Variants in CLASP1 observed in about 807,000 individuals in gnomAD.
CLASP1 encodes CLIP-associating protein 1.
A neutral mutation model predicts 192.3 loss-of-function variants in CLASP1; 38 were observed. That is an observed-to-expected ratio of 0.20 (90% CI 0.15 to 0.26). CLASP1 has a LOEUF of 0.26. Ranked by LOEUF, CLASP1 falls within the 10% of genes least tolerant of loss-of-function variation. The pLI, the probability that CLASP1 is intolerant of heterozygous loss-of-function variation, is 1.00. For synonymous variants in CLASP1, 691 were observed against 712.8 expected, an observed-to-expected ratio of 0.97 and a Z score of 0.49; for missense variants, 1,433 against 1,932.5, an observed-to-expected ratio of 0.74 and a Z score of 4.85.
At chr2:121,599,962 T>G (rs932306339) in intron 2 of CLASP1, among the ~76,000 whole-genome samples, 2 of 151,966 alleles carry the variant, frequency 1.3e-5, no homozygotes, top group African/African-American at 4.8e-5. Flanking sequence ...CTTCAAAGTT[T>G]TGTTTAATAT....
chr2:121,442,379 C>G (rs992928102), intron 19 of CLASP1, among the ~76,000 whole-genome samples: 2 of 151,990 alleles, frequency 1.3e-5, no homozygotes. Context: ...GTTAGGATTC[C>G]TTGATGTGGA....
At chr2:121,409,014 GGA>G in intron 24 of CLASP1, 1 of 1,559,966 alleles carries the variant, frequency 6.4e-7, no homozygotes, top group Non-Finnish European at 8.7e-7. Flanking sequence ...AAAAGTTAAA[GGA>G]CTGGTACCTT....
chr2:121,478,876 CCACACACACACCA>C lies in CLASP1; in HGVS notation c.713-8929_713-8917del, dbSNP rs1559368741. On this transcript the variant is annotated intron_variant, in intron 8 of 39. Transcript: ENST00000263710. ...CACACCACACCACACACACACCACA[CCACACACACACCA>C]CACACACACACCACACCACACACAC... Among the ~76,000 whole-genome samples, 59 of 62,444 alleles carry C rather than the reference CCACACACACACCA, an allele frequency of 9.4e-4. 1 individual carries two copies. The highest frequency in any genetic ancestry group is 0.015 in the Middle Eastern group (1 of 68). 41.0% of individuals were successfully genotyped at this position (62,444 alleles called of 152,430 possible). A position where few individuals can be genotyped will look rare whatever the true frequency, so the allele number is the denominator to read the frequency against.
intron 2 of CLASP1, among the ~76,000 whole-genome samples, chr2:121,566,033 A>G (rs1158991434): frequency 6.6e-6 from 1 of 152,180 alleles, no homozygotes; most frequent in East Asian, 1.9e-4. Context: ...GGGCTCTGAG[A>G]CTGACAGCTG....
At chr2:121,509,040 T>C (rs1380741542) in intron 7 of CLASP1, among the ~76,000 whole-genome samples, 2 of 152,192 alleles carry the variant, frequency 1.3e-5, no homozygotes, top group East Asian at 3.8e-4. Flanking sequence ...CAGTATTAAC[T>C]GGAAACTTCA....
At chr2:121,478,869 CACCACACCACACA>C (rs1350995861) in intron 8 of CLASP1, among the ~76,000 whole-genome samples, 4 of 74,746 alleles carry the variant, frequency 5.4e-5, no homozygotes, top group African/African-American at 2.1e-4. Context: ...ACCACACACA[CACCACACCACACA>C]CACACCACAC....
At chr2:121,589,879 G>A (rs927203787) in intron 2 of CLASP1, among the ~76,000 whole-genome samples, 2 of 151,316 alleles carry the variant, frequency 1.3e-5, no homozygotes, top group African/African-American at 2.4e-5. Context: ...ACAACAAATA[G>A]ACCCAAATAG....
chr2:121,641,594 C>T (rs913814574), intron 1 of CLASP1, among the ~76,000 whole-genome samples: 1 of 152,328 alleles, frequency 6.6e-6, no homozygotes, highest in African/African-American at 2.4e-5. Flanking sequence ...TAACAGAGAC[C>T]ACCTGCATGT....
intron 18 of CLASP1, 68 bp downstream of exon 18, chr2:121,448,208 C>G: frequency 7.1e-7 from 1 of 1,400,600 alleles, no homozygotes; most frequent in Non-Finnish European, 1.0e-6. Flanking sequence ...GCCTGGGCAG[C>G]CTCTTGCAGC....
chr2:121,583,809 T>G (rs1478972004), intron 2 of CLASP1, among the ~76,000 whole-genome samples: 1 of 152,132 alleles, frequency 6.6e-6, no homozygotes, highest in African/African-American at 2.4e-5. Flanking sequence ...AGTTGAGGCT[T>G]TGGGGAGGTG....
chr2:121,634,457 C>T (rs913179370), intron 1 of CLASP1, among the ~76,000 whole-genome samples: 6 of 152,168 alleles, frequency 3.9e-5, no homozygotes, highest in Non-Finnish European at 8.8e-5. Context: ...CTCCCTACCC[C>T]ACCCCAAAAG....
At chr2:121,479,011 A>C (rs2150061804) in intron 8 of CLASP1, among the ~76,000 whole-genome samples, 1 of 51,082 alleles carries the variant, frequency 2.0e-5, no homozygotes, top group Non-Finnish European at 3.6e-5. Flanking sequence ...CACCACACAC[A>C]CACACCACAC....
At chr2:121,606,983 G>A (rs1466419027) in intron 1 of CLASP1, among the ~76,000 whole-genome samples, 1 of 152,110 alleles carries the variant, frequency 6.6e-6, no homozygotes, top group South Asian at 2.1e-4. Context: ...TTAAACTCAG[G>A]AGGCAGAGCT....
rs1461170846 is a variant in CLASP1, at chr2:121,425,136, T to C, written c.2212+3A>G. Reference sequence around the variant, plus strand: ...GTATTCCAAGATCTTTGAGAATCCTTACCTAATCCTATTCGGTTTGGACTT... The same window carrying C: ...GTATTCCAAGATCTTTGAGAATCCTCACCTAATCCTATTCGGTTTGGACTT... On this transcript the variant is annotated splice_donor_region_variant and intron_variant, in intron 22 of 39. Transcript: ENST00000263710. 2.5e-6 allele frequency: 4 copies of C among 1,604,166 alleles called. No homozygotes were observed. Among genetic ancestry groups the C allele is most frequent in the Non-Finnish European group, 8.5e-7 (1 of 1,176,804 alleles).
chr2:121,594,080 C>T (rs372233324), intron 2 of CLASP1, among the ~76,000 whole-genome samples: 2 of 152,114 alleles, frequency 1.3e-5, no homozygotes, highest in Non-Finnish European at 2.9e-5. Context: ...GGGTGGAGAT[C>T]GTGAGGTCAG....
chr2:121,429,223 ACT>A (rs1485947843), intron 20 of CLASP1, among the ~76,000 whole-genome samples: 1 of 151,978 alleles, frequency 6.6e-6, no homozygotes, highest in African/African-American at 2.4e-5. Context: ...CAGACTGATC[ACT>A]CTCTACAACA....
exon 17 of CLASP1, chr2:121,449,055 G>T: frequency 6.2e-7 from 1 of 1,613,940 alleles, no homozygotes; most frequent in Non-Finnish European, 8.5e-7. Context: ...CTGGTAGGAG[G>T]ACTCCAAGGT....
chr2:121,466,872 G>C (rs1188555823), intron 9 of CLASP1, among the ~76,000 whole-genome samples: 1 of 152,148 alleles, frequency 6.6e-6, no homozygotes, highest in Non-Finnish European at 1.5e-5. Context: ...TGGTTACATA[G>C]GTAAACGTGT....
chr2:121,569,845 A>AT (rs1307155068), intron 2 of CLASP1, among the ~76,000 whole-genome samples: 1 of 152,202 alleles, frequency 6.6e-6, no homozygotes, highest in Non-Finnish European at 1.5e-5. Flanking sequence ...TCTCAAAAAA[A>AT]AAAAGATTAC....
Sources: allele counts gnomAD v4.1 joint callset (sites outside exome capture counted in the v4.1 genomes callset), GRCh38; gene constraint gnomAD v4.1.1; transcripts MANE v1.5; gene names NCBI Gene and HGNC (gene_info 2026-07-23, HGNC 2026-07-21).